Variants in CTIF observed in about 807,000 individuals in gnomAD.
CTIF encodes the protein cap binding complex dependent translation initiation factor.
CTIF carries 21 observed loss-of-function variants against 66.0 expected under a neutral mutation model. The observed-to-expected ratio is 0.32, with a 90% confidence interval of 0.23 to 0.46. CTIF has a LOEUF of 0.46. Among genes scored for constraint, CTIF ranks in the 20% least tolerant of loss-of-function variants. The pLI, the probability that CTIF is intolerant of heterozygous loss-of-function variation, is 1.00. For missense variants in CTIF, 739 were observed against 812.7 expected (o/e 0.91, Z 1.10); for synonymous variants, 345 against 326.4 (o/e 1.06, Z -0.62).
At chr18:48,653,532 T>C (rs1189472793) in intron 3 of CTIF, among the ~76,000 whole-genome samples, 1 of 152,130 alleles carries the variant, frequency 6.6e-6, no homozygotes, top group East Asian at 1.9e-4. Flanking sequence ...ATCAATATCA[T>C]GAAAATAGCC....
At chr18:48,788,815 G>A (rs753024292) in intron 9 of CTIF, among the ~76,000 whole-genome samples, 1 of 152,186 alleles carries the variant, frequency 6.6e-6, no homozygotes, top group Non-Finnish European at 1.5e-5. Flanking sequence ...TGTACAGGGT[G>A]GGTGTGAACT....
intron 10 of CTIF, among the ~76,000 whole-genome samples, chr18:48,838,562 G>A (rs1195903978): frequency 2.6e-5 from 4 of 152,312 alleles, no homozygotes; most frequent in Middle Eastern, 3.4e-3. Context: ...CAGCATGTCT[G>A]TGCTTGAGGC....
chr18:48,752,129 GA>G (rs1177234823), intron 7 of CTIF, among the ~76,000 whole-genome samples: 2 of 152,142 alleles, frequency 1.3e-5, no homozygotes, highest in Non-Finnish European at 2.9e-5. Context: ...CTTCTTACAT[GA>G]ACTTTTGCCT....
chr18:48,752,107 T>C (rs1167083667), intron 7 of CTIF, among the ~76,000 whole-genome samples: 5 of 152,206 alleles, frequency 3.3e-5, no homozygotes, highest in Non-Finnish European at 7.3e-5. Flanking sequence ...GTCCATGCAG[T>C]GAGCTACCAC....
chr18:48,655,337 C>T (rs970945225), intron 3 of CTIF, among the ~76,000 whole-genome samples: 1 of 150,590 alleles, frequency 6.6e-6, no homozygotes, highest in African/African-American at 2.4e-5. Context: ...TAAAAAAAGC[C>T]GGAGTGACTG....
intron 9 of CTIF, among the ~76,000 whole-genome samples, chr18:48,763,027 C>T (rs749409922): frequency 2.0e-5 from 3 of 152,224 alleles, no homozygotes; most frequent in Non-Finnish European, 4.4e-5. Context: ...GACGAATTCC[C>T]GCATTACCTG....
rs536085809 is a variant in CTIF at position 48,689,582 on chromosome 18, C to T, written c.507+18838C>T. ...CTATTTCTTCAGGAGGATGGAGTCA[C>T]GAGGTCATAGGAGGGCCCACCTGAA... On this transcript the variant is annotated intron_variant, in intron 6 of 11. Transcript: ENST00000256413. Among the ~76,000 whole-genome samples the T allele has an allele frequency of 7.2e-5, 11 of 152,264 alleles. No individual in the cohort carries two copies. In the South Asian group the frequency reaches 1.9e-3, roughly 26 times the overall value.
intron 6 of CTIF, among the ~76,000 whole-genome samples, chr18:48,710,197 A>G (rs2092208531): frequency 6.6e-6 from 1 of 152,256 alleles, no homozygotes; most frequent in Non-Finnish European, 1.5e-5. Context: ...TGTAACCCAC[A>G]GGACTATGAT....
At chr18:48,730,212 G>T (rs890223281) in intron 7 of CTIF, among the ~76,000 whole-genome samples, 1 of 149,960 alleles carries the variant, frequency 6.7e-6, no homozygotes, top group Non-Finnish European at 1.5e-5. Context: ...GGCTCCTGTG[G>T]TGTGAGGAGC....
intron 9 of CTIF, among the ~76,000 whole-genome samples, chr18:48,777,652 G>A (rs141714053): frequency 3.8e-3 from 576 of 152,328 alleles, no homozygotes; most frequent in Non-Finnish European, 6.9e-3. Context: ...CCTTAGGAAC[G>A]AATGAGTATC....
chr18:48,774,476 G>T (rs553986959), intron 9 of CTIF, among the ~76,000 whole-genome samples: 5 of 151,224 alleles, frequency 3.3e-5, no homozygotes, highest in Admixed American at 2.6e-4. Flanking sequence ...CGGCCTCTTT[G>T]GGGGGGACAG....
At position 48,857,719 on chromosome 18, in the gene CTIF, G is replaced by A. The variant is rs370288261; in HGVS notation, c.1581+78G>A. ...GCCTTAACAGTTCTAGGGGCACGAG[G>A]GTTGTTGGAGGCATTTACAAGTCCA... On this transcript the variant is annotated intron_variant, in intron 11 of 11. Transcript: ENST00000256413. 44 of 1,332,738 alleles carry A rather than the reference G, an allele frequency of 3.3e-5. No homozygotes were observed. The African/African-American group carries it at 5.5e-4, about 17-fold the overall frequency. The allele number at this position is 1,332,738 out of a possible 1,614,324, so 82.6% of individuals were successfully genotyped here. A position where few individuals can be genotyped will look rare whatever the true frequency, so the allele number is the denominator to read the frequency against.
intron 6 of CTIF, among the ~76,000 whole-genome samples, chr18:48,677,337 T>C (rs75897227): frequency 0.012 from 1,780 of 152,292 alleles, 11 homozygotes; most frequent in Middle Eastern, 0.037. Flanking sequence ...CAGGCATCTC[T>C]CTGTGTCCCA....
intron 5 of CTIF, 138 bp from the exon 6 acceptor site, chr18:48,670,531 G>T: frequency 1.4e-6 from 1 of 727,800 alleles, no homozygotes; most frequent in Non-Finnish European, 2.4e-6. Context: ...GTTTCCTCTA[G>T]GTGGGACAGC....
At chr18:48,838,863 A>C (rs889852119) in intron 10 of CTIF, among the ~76,000 whole-genome samples, 2 of 152,140 alleles carry the variant, frequency 1.3e-5, no homozygotes, top group African/African-American at 4.8e-5. Context: ...CAAACTCTAG[A>C]TCTGCATCTC....
chr18:48,565,476 C>G (rs2089259926), intron 1 of CTIF: 1 of 152,058 alleles, frequency 6.6e-6, no homozygotes. Flanking sequence ...ACAAAGATCC[C>G]CCGAGAGACT....
At chr18:48,555,732 A>G (rs2089004504) in intron 1 of CTIF, among the ~76,000 whole-genome samples, 1 of 152,154 alleles carries the variant, frequency 6.6e-6, no homozygotes, top group Admixed American at 6.5e-5. Context: ...GACATATTGG[A>G]TGACTTCCCT....
intron 1 of CTIF, among the ~76,000 whole-genome samples, chr18:48,578,043 T>A (rs2089573746): frequency 6.6e-6 from 1 of 152,380 alleles, no homozygotes; most frequent in South Asian, 2.1e-4. Flanking sequence ...TTGTCTATTC[T>A]GGACATTTTA....
At chr18:48,781,357 G>A (rs896545569) in intron 9 of CTIF, among the ~76,000 whole-genome samples, 6 of 152,216 alleles carry the variant, frequency 3.9e-5, no homozygotes, top group Non-Finnish European at 8.8e-5. Flanking sequence ...GAGACTCGGC[G>A]TCACAGTCTA....
Sources: gnomAD v4.1 joint callset for allele counts (sites outside exome capture counted in the v4.1 genomes callset) on GRCh38, gnomAD v4.1.1 for gene constraint, MANE v1.5 for transcripts, NCBI Gene and HGNC (gene_info 2026-07-23, HGNC 2026-07-21) for gene names.